Variants in RAB31 observed in about 807,000 individuals in gnomAD.
RAB31 encodes ras-related protein Rab-31.
RAB31 carries 21 observed loss-of-function variants against 25.6 expected under a neutral mutation model. The observed-to-expected ratio is 0.82, with a 90% confidence interval of 0.58 to 1.18. The LOEUF (loss-of-function observed/expected upper bound fraction) is 1.18, where lower values mean the gene tolerates loss of function less well. RAB31 is among the 50% of genes most tolerant of loss of function. The probability of loss-of-function intolerance (pLI) is 0.00; values close to 1 mark genes in which losing one functional copy is unlikely to be tolerated. For synonymous variants in RAB31, 87 were observed against 84.0 expected (o/e 1.04, Z -0.20); for missense variants, 196 against 250.1 (o/e 0.78, Z 1.46).
intron 3 of RAB31, among the ~76,000 whole-genome samples, chr18:9,810,198 A>G (rs777592600): frequency 6.6e-6 from 1 of 152,238 alleles, no homozygotes; most frequent in Admixed American, 6.5e-5. Flanking sequence ...GGGATTTTGA[A>G]TTGGCATCTG....
chr18:9,778,063 TTTTTTAAAGTAAA>T (rs1189301981), intron 2 of RAB31, among the ~76,000 whole-genome samples: 2 of 152,166 alleles, frequency 1.3e-5, no homozygotes, highest in East Asian at 3.8e-4. Flanking sequence ...TGTAATGACC[TTTTTTAAAGTAAA>T]AAGACAGTGC....
chr18:9,852,326 T>C (rs933781820), intron 6 of RAB31, among the ~76,000 whole-genome samples: 1 of 152,240 alleles, frequency 6.6e-6, no homozygotes, highest in Admixed American at 6.5e-5. Flanking sequence ...TATTAATTAC[T>C]ATCATCAAAT....
intron 3 of RAB31, among the ~76,000 whole-genome samples, chr18:9,808,813 TG>T (rs761712899): frequency 3.3e-4 from 50 of 152,250 alleles, no homozygotes; most frequent in Non-Finnish European, 6.3e-4. Flanking sequence ...CAGAGCATTC[TG>T]GCTTGGATAA....
chr18:9,754,815 T>C (rs955991417), intron 1 of RAB31, among the ~76,000 whole-genome samples: 1 of 152,268 alleles, frequency 6.6e-6, no homozygotes, highest in Non-Finnish European at 1.5e-5. Flanking sequence ...GGGACAACTG[T>C]ATGTACTGTT....
intron 6 of RAB31, among the ~76,000 whole-genome samples, chr18:9,850,235 C>A (rs1052508175): frequency 6.6e-6 from 1 of 152,100 alleles, no homozygotes; most frequent in Non-Finnish European, 1.5e-5. Flanking sequence ...TGGTTATGAG[C>A]CTAGCATATA....
intron 4 of RAB31, 61 bp from the exon 5 acceptor site, chr18:9,815,055 G>T: frequency 1.7e-6 from 2 of 1,201,848 alleles, no homozygotes; most frequent in Non-Finnish European, 2.4e-6. Flanking sequence ...TTGTATTTCT[G>T]CTTAGTTGAA....
rs569731575 is a variant in RAB31, at chr18:9,711,487, C to T, written c.39+3043C>T. On this transcript the variant is annotated intron_variant, in intron 1 of 6. Coordinates refer to ENST00000578921, the MANE Select transcript of RAB31 (RefSeq NM_006868.4). ...TCCCAAGCTCAGGTGATCCTCCCACCTCAGCCTGCCAAGTAGCTGGGACCA... is the reference window on the plus strand; with the variant it reads ...TCCCAAGCTCAGGTGATCCTCCCACTTCAGCCTGCCAAGTAGCTGGGACCA... 5.9e-5 allele frequency among the ~76,000 whole-genome samples: 9 copies of T among 152,362 alleles called. No individual in the cohort carries two copies. In the East Asian group the frequency reaches 1.5e-3, roughly 26 times the overall value.
intron 2 of RAB31, among the ~76,000 whole-genome samples, chr18:9,780,004 G>A (rs1005053177): frequency 3.3e-5 from 5 of 152,026 alleles, no homozygotes; most frequent in African/African-American, 4.8e-5. Context: ...GCGAAACTTG[G>A]TCTCTACAAA....
intron 3 of RAB31, among the ~76,000 whole-genome samples, chr18:9,794,739 C>T (rs972346973): frequency 5.3e-5 from 8 of 151,942 alleles, no homozygotes; most frequent in African/African-American, 1.9e-4. Flanking sequence ...CACTTGAACC[C>T]GGGAGGCGGA....
chr18:9,721,812 C>T (rs894230743), intron 1 of RAB31, among the ~76,000 whole-genome samples: 3 of 152,002 alleles, frequency 2.0e-5, no homozygotes, highest in East Asian at 1.9e-4. Context: ...GCACAAATAC[C>T]GAGTGTGGCA....
At position 9,814,073 on chromosome 18, in the gene RAB31, G is replaced by A. The variant is rs1406523831; in HGVS notation, c.255G>A (p.Val85=). ...YYRGSAAAVI[V]YDITKQDSFY... ...GAGGCTCAGCTGCAGCTGTTATCGT[G>A]TATGATATTACCAAGCAGGTAAGAA... The change falls in exon 4 of 7, where the codon GTG becomes GTA. Residue 85 remains valine, a synonymous_variant. Coordinates refer to ENST00000578921, the MANE Select transcript of RAB31 (RefSeq NM_006868.4). 1.9e-6 allele frequency: 3 copies of A among 1,586,984 alleles called. No homozygotes were observed. Among genetic ancestry groups the A allele is most frequent in the Non-Finnish European group, 2.6e-6 (3 of 1,161,448 alleles).
At chr18:9,771,873 G>A (rs2068346965) in intron 1 of RAB31, among the ~76,000 whole-genome samples, 1 of 152,228 alleles carries the variant, frequency 6.6e-6, no homozygotes, top group Non-Finnish European at 1.5e-5. Flanking sequence ...ACATTTGACA[G>A]TGCATTCTAA....
intron 1 of RAB31, among the ~76,000 whole-genome samples, chr18:9,730,810 G>T (rs2068119191): frequency 6.6e-6 from 1 of 152,196 alleles, no homozygotes; most frequent in African/African-American, 2.4e-5. Flanking sequence ...CTGGGCGGCA[G>T]GCATTCATTT....
In RAB31 at chr18:9,786,964, A is replaced by G. The variant is rs73385038; in HGVS notation, c.120-5190A>G. 774 of 154,582 alleles carry G rather than the reference A, an allele frequency of 5.0e-3. 7 individuals carry two copies. The highest frequency in any genetic ancestry group is 0.018 in the African/African-American group (735 of 41,558). The allele number at this position is 154,582 out of a possible 1,614,324, so 9.6% of individuals were successfully genotyped here. A position where few individuals can be genotyped will look rare whatever the true frequency, so the allele number is the denominator to read the frequency against. Reference sequence around the variant, plus strand: ...ATGAAAGCAGTTACAAGAGTGCCTCAAAAAAAATCTCACTGTTAGAAGAGA... The same window carrying G: ...ATGAAAGCAGTTACAAGAGTGCCTCGAAAAAAATCTCACTGTTAGAAGAGA... On this transcript the variant is annotated intron_variant, in intron 2 of 6. Coordinates refer to ENST00000578921, the MANE Select transcript of RAB31 (RefSeq NM_006868.4).
In RAB31 at chr18:9,790,564, CT is replaced by C. The variant is rs748190781; in HGVS notation, c.120-1589del. On this transcript the variant is annotated intron_variant, in intron 2 of 6. Coordinates refer to ENST00000578921, the MANE Select transcript of RAB31 (RefSeq NM_006868.4). ...AATATATTTTAAAGCTGTTTTCCCC[CT>C]AATCTGGGATCCAGCCAAGGTTCAT... 6.5e-4 allele frequency among the ~76,000 whole-genome samples: 99 copies of C among 152,256 alleles called. 1 individual carries two copies. Among genetic ancestry groups the C allele is most frequent in the Middle Eastern group, 6.8e-3 (2 of 294 alleles).
intron 1 of RAB31, among the ~76,000 whole-genome samples, chr18:9,719,094 A>G (rs1487961514): frequency 6.7e-6 from 1 of 149,048 alleles, no homozygotes; most frequent in African/African-American, 2.5e-5. Context: ...ACATGGTGAA[A>G]CCCCCTCTCT....
chr18:9,797,347 T>C (rs1056419605), intron 3 of RAB31: 2 of 152,230 alleles, frequency 1.3e-5, no homozygotes, highest in African/African-American at 4.8e-5. Flanking sequence ...TGCGAATCGC[T>C]GGCTTAATGT....
rs1212535715 is a variant in RAB31 at position 9,860,366 on chromosome 18, A to C, written c.*1041A>C. On this transcript the variant is annotated 3_prime_UTR_variant, in exon 7 of 7. Transcript: ENST00000578921. ...ACCCCAAAAAACTACAAAATCAGAA[A>C]AAGTATTTTTATGTTTCTAGCTTGA... is the stretch of plus-strand genomic sequence containing the variant. 6.6e-6 allele frequency: 1 copy of C among 152,196 alleles called. No individual in the cohort carries two copies. The highest frequency in any genetic ancestry group is 1.9e-4 in the East Asian group (1 of 5,196). 9.4% of individuals were successfully genotyped at this position (152,196 alleles called of 1,614,324 possible).
chr18:9,859,537 A>C lies in RAB31; in HGVS notation c.*212A>C. 3 of 435,146 alleles carry C rather than the reference A, an allele frequency of 6.9e-6. No homozygotes were observed. The highest frequency in any genetic ancestry group is 8.2e-6 in the Non-Finnish European group (2 of 245,250). The allele number at this position is 435,146 out of a possible 1,614,324, so 27.0% of individuals were successfully genotyped here. A position where few individuals can be genotyped will look rare whatever the true frequency, so the allele number is the denominator to read the frequency against. ...GGAAAACCCACCACACCACCACAAA[A>C]TGGCCTTTAGTGTATGAAATGCACA... On this transcript the variant is annotated 3_prime_UTR_variant, in exon 7 of 7. Transcript: ENST00000578921.
Sources: allele counts gnomAD v4.1 joint callset (sites outside exome capture counted in the v4.1 genomes callset), GRCh38; gene constraint gnomAD v4.1.1; transcripts MANE v1.5; gene names NCBI Gene and HGNC (gene_info 2026-07-23, HGNC 2026-07-21).